PRKG2: variants seen among roughly 807,000 people sequenced by gnomAD.
The protein encoded by PRKG2 is protein kinase cGMP-dependent 2, also known as cGMP-dependent protein kinase 2.
In PRKG2, 33 loss-of-function variants were observed where a neutral mutation model predicts 97.2. The ratio of observed to expected loss-of-function variants is 0.34; its 90% CI spans 0.26 to 0.45. The LOEUF (loss-of-function observed/expected upper bound fraction) is 0.45. Ranked by LOEUF, PRKG2 falls within the 20% of genes least tolerant of loss-of-function variation. The pLI, the probability that PRKG2 is intolerant of heterozygous loss-of-function variation, is 1.00. For synonymous variants in PRKG2, 330 were observed against 321.8 expected, an observed-to-expected ratio of 1.03 and a Z score of -0.27; for missense variants, 638 against 900.0, an observed-to-expected ratio of 0.71 and a Z score of 3.73.
intron 9 of PRKG2, among the ~76,000 whole-genome samples, chr4:81,148,077 C>T (rs879002196): frequency 6.6e-6 from 1 of 151,734 alleles, no homozygotes; most frequent in Admixed American, 6.6e-5. Context: ...AAGTTTTTTC[C>T]AGCTCTATAT....
chr4:81,123,940 A>G (rs1161741384), intron 14 of PRKG2, among the ~76,000 whole-genome samples: 1 of 152,034 alleles, frequency 6.6e-6, no homozygotes, highest in Non-Finnish European at 1.5e-5. Context: ...ACTGTTGTTC[A>G]GTTATTTCAC....
At chr4:81,203,355 C>T (rs1468811585) in intron 2 of PRKG2, among the ~76,000 whole-genome samples, 1 of 152,096 alleles carries the variant, frequency 6.6e-6, no homozygotes, top group Non-Finnish European at 1.5e-5. Context: ...TAACTTCCTT[C>T]ACAAATATTT....
At position 81,094,600 on chromosome 4, in the gene PRKG2, A is replaced by C. The variant is rs572368649; in HGVS notation, c.2127-2148T>G. On this transcript the variant is annotated intron_variant, in intron 17 of 18. Coordinates refer to ENST00000264399, the MANE Select transcript of PRKG2 (RefSeq NM_006259.3). ...AGTAAGTACAAGGAAGATAAAAGAG[A>C]ATAAAGTGGTAGATGATGTCGGGAA... Among the ~76,000 whole-genome samples the C allele has an allele frequency of 2.0e-5, 3 of 152,244 alleles. No individual in the cohort carries two copies. The East Asian group carries it at 5.8e-4, about 29-fold the overall frequency.
At chr4:81,170,262 T>G (rs1427184521) in intron 4 of PRKG2, among the ~76,000 whole-genome samples, 1 of 152,152 alleles carries the variant, frequency 6.6e-6, no homozygotes, top group Non-Finnish European at 1.5e-5. Flanking sequence ...TCTCTACAGT[T>G]ACTTTTGTGT....
intron 2 of PRKG2, among the ~76,000 whole-genome samples, chr4:81,184,163 C>T (rs1160780497): frequency 6.6e-6 from 1 of 152,214 alleles, no homozygotes; most frequent in Admixed American, 6.5e-5. Context: ...AGACTGCCTC[C>T]TCAAGTGGGT....
At chr4:81,098,994 G>A (rs1162314750) in intron 17 of PRKG2, among the ~76,000 whole-genome samples, 1 of 152,126 alleles carries the variant, frequency 6.6e-6, no homozygotes, top group African/African-American at 2.4e-5. Flanking sequence ...AAAGCAAAGT[G>A]GGATAAAACA....
intron 2 of PRKG2, among the ~76,000 whole-genome samples, chr4:81,196,413 A>G (rs1355623730): frequency 6.6e-6 from 1 of 152,216 alleles, no homozygotes; most frequent in East Asian, 1.9e-4. Context: ...TTTATTGCAC[A>G]GCAATAGAAA....
chr4:81,116,910 T>C (rs1744587555), intron 14 of PRKG2, among the ~76,000 whole-genome samples: 2 of 151,986 alleles, frequency 1.3e-5, no homozygotes, highest in South Asian at 4.1e-4. Context: ...AGATCCTGGA[T>C]GTTAGACTTG....
At chr4:81,147,148 A>G (rs1172070002) in intron 9 of PRKG2, among the ~76,000 whole-genome samples, 1 of 152,218 alleles carries the variant, frequency 6.6e-6, no homozygotes, top group Non-Finnish European at 1.5e-5. Flanking sequence ...CTTGTAAGCC[A>G]TATAAAATTA....
intron 5 of PRKG2, among the ~76,000 whole-genome samples, chr4:81,167,473 GA>G (rs3832311): frequency 0.11 from 16,227 of 152,046 alleles, 1,070 homozygotes; most frequent in Middle Eastern, 0.21. Context: ...CAGACAGGGG[GA>G]AAAAAATCAC....
upstream of PRKG2, among the ~76,000 whole-genome samples, chr4:81,215,415 T>A (rs891978154): frequency 6.6e-6 from 1 of 152,214 alleles, no homozygotes. Context: ...CCCTCCATAG[T>A]GAGGCAACTT....
chr4:81,167,287 G>A lies in PRKG2; in HGVS notation c.849-63C>T, dbSNP rs949224313. Reference sequence around the variant, plus strand: ...AATTAAACTATAAATATACACATATGCAGATTCTAAAATCTTTACATACAT... The same window carrying A: ...AATTAAACTATAAATATACACATATACAGATTCTAAAATCTTTACATACAT... On this transcript the variant is annotated intron_variant, in intron 5 of 18. Coordinates refer to ENST00000264399, the MANE Select transcript of PRKG2 (RefSeq NM_006259.3). 3.8e-6 allele frequency: 4 copies of A among 1,042,018 alleles called. No homozygotes were observed. The Admixed American group carries it at 8.4e-5, about 22-fold the overall frequency. 64.5% of individuals were successfully genotyped at this position (1,042,018 alleles called of 1,614,324 possible).
chr4:81,124,548 G>C (rs778028952), intron 14 of PRKG2, among the ~76,000 whole-genome samples: 1 of 152,172 alleles, frequency 6.6e-6, no homozygotes, highest in Non-Finnish European at 1.5e-5. Context: ...GACCCACCCA[G>C]AGGGAAGCCA....
At chr4:81,156,798 T>G (rs1265173833) in intron 6 of PRKG2, among the ~76,000 whole-genome samples, 1 of 152,234 alleles carries the variant, frequency 6.6e-6, no homozygotes, top group South Asian at 2.1e-4. Flanking sequence ...GCCAACTACA[T>G]GGAAACTGAA....
chr4:81,197,848 A>C (rs900984051), intron 2 of PRKG2, among the ~76,000 whole-genome samples: 6 of 152,252 alleles, frequency 3.9e-5, no homozygotes, highest in African/African-American at 1.2e-4. Flanking sequence ...GAAAATATTA[A>C]AGAATTGGAT....
intron 3 of PRKG2, chr4:81,174,033 T>C (rs1290351028): frequency 1.3e-5 from 2 of 152,208 alleles, no homozygotes; most frequent in East Asian, 3.9e-4. Context: ...TTTTTGCTTC[T>C]ATATACAAAA....
At chr4:81,135,771 G>C (rs1025162638) in intron 13 of PRKG2, among the ~76,000 whole-genome samples, 2 of 151,812 alleles carry the variant, frequency 1.3e-5, no homozygotes, top group South Asian at 4.2e-4. Flanking sequence ...TCTGTTTGGG[G>C]CCCCTTGATC....
intron 18 of PRKG2, among the ~76,000 whole-genome samples, 159 bp downstream of exon 18, chr4:81,092,227 C>G (rs1269264955): frequency 6.6e-6 from 1 of 151,572 alleles, no homozygotes; most frequent in African/African-American, 2.4e-5. Flanking sequence ...TCCCTATAAT[C>G]ACAATTATAA....
At chr4:81,217,066 T>TATAA (rs1466238894), upstream of PRKG2, among the ~76,000 whole-genome samples, 1 of 145,372 alleles carries the variant, frequency 6.9e-6, no homozygotes, top group African/African-American at 2.6e-5. Flanking sequence ...TGTATATATA[T>TATAA]AATATAAAAC....
Sources: gnomAD v4.1 joint callset for allele counts (sites outside exome capture counted in the v4.1 genomes callset) on GRCh38, gnomAD v4.1.1 for gene constraint, MANE v1.5 for transcripts, NCBI Gene and HGNC (gene_info 2026-07-23, HGNC 2026-07-21) for gene names.